GTF3C1: variants seen among roughly 807,000 people sequenced by gnomAD.
The protein encoded by GTF3C1 is general transcription factor IIIC subunit 1, also known as general transcription factor 3C polypeptide 1.
GTF3C1 carries 57 observed loss-of-function variants against 226.7 expected under a neutral mutation model. That is an observed-to-expected ratio of 0.25 (90% CI 0.20 to 0.31). The LOEUF (loss-of-function observed/expected upper bound fraction) is 0.31. GTF3C1 is among the 10% of genes least tolerant of loss of function. The pLI, the probability that GTF3C1 is intolerant of heterozygous loss-of-function variation, is 1.00. For synonymous variants in GTF3C1, 1,090 were observed against 1,084.8 expected, an observed-to-expected ratio of 1.00 and a Z score of -0.09; for missense variants, 2,217 against 2,776.1, an observed-to-expected ratio of 0.80 and a Z score of 4.53.
At chr16:27,511,454 ATATATC>A (rs534495171) in intron 7 of GTF3C1, among the ~76,000 whole-genome samples, 2 of 152,140 alleles carry the variant, frequency 1.3e-5, no homozygotes, top group Non-Finnish European at 2.9e-5. Flanking sequence ...GCTCCCTCTT[ATATATC>A]TATGTTTATT....
intron 15 of GTF3C1, 54 bp from the exon 16 acceptor site, chr16:27,494,962 T>C: frequency 1.3e-6 from 2 of 1,506,848 alleles, no homozygotes; most frequent in Admixed American, 3.4e-5. Context: ...GTCACCATGG[T>C]GACACATGGT....
Position 27,478,596 on chromosome 16 carries a change from T to C in GTF3C1, c.4197-65A>G, listed in dbSNP as rs1596620227. 2.9e-6 allele frequency: 3 copies of C among 1,032,776 alleles called. No homozygotes were observed. The Admixed American group carries it at 5.1e-5, about 17-fold the overall frequency. The allele number at this position is 1,032,776 out of a possible 1,614,324, so 64.0% of individuals were successfully genotyped here. ...AGCTCCTCACTAAGCAAGCGGATGC[T>C]GGCTCAAGATGGCCATTTATTGGCT... On this transcript the variant is annotated intron_variant, in intron 27 of 36. Coordinates refer to ENST00000356183, the MANE Select transcript of GTF3C1 (RefSeq NM_001520.4).
rs201825093 is a variant in GTF3C1 at position 27,511,733 on chromosome 16, T to C, written c.1126+16A>G. On this transcript the variant is annotated intron_variant, in intron 7 of 36. Coordinates refer to ENST00000356183, the MANE Select transcript of GTF3C1 (RefSeq NM_001520.4). ...CTCGGGATCCATATCCAAGCTGGCA[T>C]GGGAACAAGACTTACTGAGGTCGTA... 3.8e-5 allele frequency: 61 copies of C among 1,611,868 alleles called. 1 individual carries two copies. In the Middle Eastern group the frequency reaches 6.6e-4, roughly 17 times the overall value.
In GTF3C1 at chr16:27,545,462, C is replaced by T; in HGVS notation, c.283G>A (p.Glu95Lys). 1 of 1,612,670 alleles carries T rather than the reference C, an allele frequency of 6.2e-7. No homozygotes were observed. Among genetic ancestry groups the T allele is most frequent in the Non-Finnish European group, 8.5e-7 (1 of 1,178,696 alleles). Residue 95 changes from glutamate (E) to lysine (K), a missense_variant, in exon 2 of 37, where the codon GAG becomes AAG. By Grantham distance (56) the Glu-to-Lys change is moderately conservative. Transcript: ENST00000356183. Reference protein sequence around the residue: ...LESRRDPVALEDVYPIHMILE... With the variant: ...LESRRDPVALKDVYPIHMILE... ...ATCATATGAATGGGGTAGACATCCT[C>T]CAAAGCCACCGGGTCCCTCCTAGAC...
chr16:27,478,851 CAA>C (rs770105315), intron 27 of GTF3C1, among the ~76,000 whole-genome samples: 29 of 80,336 alleles, frequency 3.6e-4, no homozygotes, highest in Non-Finnish European at 3.4e-4. Flanking sequence ...TGTTACAATC[CAA>C]AAAAAAAAAA....
chr16:27,531,853 C>T (rs1184109041), intron 5 of GTF3C1, among the ~76,000 whole-genome samples: 1 of 152,202 alleles, frequency 6.6e-6, no homozygotes, highest in Non-Finnish European at 1.5e-5. Flanking sequence ...GAAATTCCTT[C>T]GTTTCTGCCA....
rs745931588 is a variant in GTF3C1 at position 27,498,748 on chromosome 16, T to G, written c.2062-15A>C. 2 of 1,316,606 alleles carry G rather than the reference T, an allele frequency of 1.5e-6. No individual in the cohort carries two copies. The highest frequency in any genetic ancestry group is 1.2e-5 in the South Asian group (1 of 85,156). 81.6% of individuals were successfully genotyped at this position (1,316,606 alleles called of 1,614,324 possible). ...ACCAGATCCACCTGGAGAGAGAGGT[T>G]GGAGCATCCCACAGGGTGAGGGAAG... On this transcript the variant is annotated splice_polypyrimidine_tract_variant and intron_variant, in intron 12 of 36. Coordinates refer to ENST00000356183, the MANE Select transcript of GTF3C1 (RefSeq NM_001520.4).
intron 9 of GTF3C1, among the ~76,000 whole-genome samples, 164 bp downstream of exon 9, chr16:27,506,683 T>C (rs1260972003): frequency 6.6e-6 from 1 of 152,048 alleles, no homozygotes; most frequent in African/African-American, 2.4e-5. Context: ...CACAGGACCC[T>C]CTCCTCCAAA....
chr16:27,534,462 T>C (rs1370727604), intron 4 of GTF3C1, among the ~76,000 whole-genome samples: 2 of 152,154 alleles, frequency 1.3e-5, no homozygotes, highest in Non-Finnish European at 2.9e-5. Context: ...GTACTGCTTC[T>C]CAATGAATGA....
At chr16:27,503,947 A>G (rs1038973743) in intron 10 of GTF3C1, among the ~76,000 whole-genome samples, 35 of 152,160 alleles carry the variant, frequency 2.3e-4, no homozygotes, top group Non-Finnish European at 1.6e-4. Context: ...CCACTGTGGG[A>G]GCTCCGGGCA....
At chr16:27,532,720 C>G (rs552762442) in intron 5 of GTF3C1, among the ~76,000 whole-genome samples, 2 of 152,298 alleles carry the variant, frequency 1.3e-5, no homozygotes, top group African/African-American at 4.8e-5. Flanking sequence ...CAGAAGTAAA[C>G]CTAAATGCCG....
chr16:27,535,523 C>T (rs1191152044), intron 4 of GTF3C1, among the ~76,000 whole-genome samples: 2 of 150,310 alleles, frequency 1.3e-5, no homozygotes, highest in South Asian at 2.1e-4. Context: ...TGCAGTGAGC[C>T]GAGATCGTGC....
At chr16:27,472,023 G>A in intron 29 of GTF3C1, 103 bp from the exon 30 acceptor site, 1 of 975,756 alleles carries the variant, frequency 1.0e-6, no homozygotes, top group Non-Finnish European at 1.6e-6. Flanking sequence ...TATAGAGGAA[G>A]TGACCGATCG....
chr16:27,463,712 G>A lies in GTF3C1; in HGVS notation c.5873-120C>T, dbSNP rs549570256. 5.4e-6 allele frequency: 4 copies of A among 734,212 alleles called. No individual in the cohort carries two copies. In the African/African-American group the frequency reaches 7.1e-5, roughly 13 times the overall value. 45.5% of individuals were successfully genotyped at this position (734,212 alleles called of 1,614,324 possible). A position where few individuals can be genotyped will look rare whatever the true frequency, so the allele number is the denominator to read the frequency against. ...CACCTCGAGGCTCAGGGGATGAAGT[G>A]TCAAAAAAAAAGGACAATGAGCATC... On this transcript the variant is annotated intron_variant, in intron 34 of 36. Transcript: ENST00000356183. The surrounding 1 kb of genome is among the most constrained non-coding windows in gnomAD (Gnocchi z 4.9).
At chr16:27,499,591 G>GA (rs2088374459) in intron 12 of GTF3C1, among the ~76,000 whole-genome samples, 1 of 152,196 alleles carries the variant, frequency 6.6e-6, no homozygotes, top group African/African-American at 2.4e-5. Context: ...AAGGGCTCCC[G>GA]AATGCCACAC....
In GTF3C1 at chr16:27,502,939, G is replaced by A. The variant is rs376084382; in HGVS notation, c.1827C>T (p.His609=). 20 of 1,613,098 alleles carry A rather than the reference G, an allele frequency of 1.2e-5. No homozygotes were observed. Among genetic ancestry groups the A allele is most frequent in the South Asian group, 3.3e-5 (3 of 90,990 alleles). The change falls in exon 11 of 37, where the codon CAC becomes CAT. Residue 609 remains histidine (H), a synonymous_variant. Transcript: ENST00000356183. ...TGCGTTTCAGCAGTCGGTAAGTTTC[G>A]TGTGGTTTGTCTTGGCCTGAGCTGT... ...GRHSSGQDKP[H]ETYRLLKRRN...
intron 4 of GTF3C1, 137 bp downstream of exon 4, chr16:27,537,647 G>A (rs2089021023): frequency 3.2e-6 from 2 of 633,642 alleles, no homozygotes; most frequent in African/African-American, 1.8e-5. Flanking sequence ...GCCTCAAGCA[G>A]TTCTCCCACC....
intron 28 of GTF3C1, among the ~76,000 whole-genome samples, chr16:27,477,066 T>C (rs2087961668): frequency 6.6e-6 from 1 of 152,212 alleles, no homozygotes; most frequent in South Asian, 2.1e-4. Context: ...AGTTAATACA[T>C]GCTTTAGCCT....
At chr16:27,545,690 T>C (rs1238449876) in intron 1 of GTF3C1, among the ~76,000 whole-genome samples, 167 bp from the exon 2 acceptor site, 1 of 152,226 alleles carries the variant, frequency 6.6e-6, no homozygotes, top group Non-Finnish European at 1.5e-5. Flanking sequence ...CCTGCCTTTC[T>C]ATCCCACAGA....
Sources: gnomAD v4.1 joint callset for allele counts (sites outside exome capture counted in the v4.1 genomes callset) on GRCh38, gnomAD v4.1.1 for gene constraint, Gnocchi (gnomAD v3.1) non-coding constraint, MANE v1.5 for transcripts, NCBI Gene and HGNC (gene_info 2026-07-23, HGNC 2026-07-21) for gene names.